UBXN11: variants seen among roughly 807,000 people sequenced by gnomAD.
UBXN11 encodes UBX domain-containing protein 11.
Under a neutral mutation model 62.8 loss-of-function variants are expected in UBXN11, and 47 were observed. That is an observed-to-expected ratio of 0.75 (90% CI 0.59 to 0.95). UBXN11 has a LOEUF of 0.95. UBXN11 is among the 40% of genes least tolerant of loss of function. UBXN11 has a pLI of 0.00. For synonymous variants in UBXN11, 294 were observed against 267.0 expected (o/e 1.10, Z -0.99); for missense variants, 638 against 661.7 (o/e 0.96, Z 0.39).
intron 5 of UBXN11, 78 bp downstream of exon 5, chr1:26,297,873 CACCCACCCTAG>C: frequency 2.8e-6 from 4 of 1,410,496 alleles, no homozygotes; most frequent in Non-Finnish European, 3.9e-6. Context: ...GTTCTAGAAT[CACCCACCCTAG>C]TCCAACTCCT....
chr1:26,285,587 C>T, intron 9 of UBXN11, 46 bp from the exon 10 acceptor site: 1 of 1,496,732 alleles, frequency 6.7e-7, no homozygotes, highest in Non-Finnish European at 9.0e-7. Flanking sequence ...GGCCTTGGGC[C>T]CACCCTGCCC....
rs2073392090 is a variant in UBXN11 at position 26,296,356 on chromosome 1, A to G, written c.432+563T>C. Among the ~76,000 whole-genome samples, 5 of 152,236 alleles carry G rather than the reference A, an allele frequency of 3.3e-5. No individual in the cohort carries two copies. In the South Asian group the frequency reaches 1.0e-3, roughly 31 times the overall value. ...AACTGCTCCCTCCGTCGTGGAGTTC[A>G]GAGTCCCACAAGGGAAGAGAGATGA... On this transcript the variant is annotated intron_variant, in intron 7 of 14. Transcript: ENST00000374222.
At chr1:26,301,047 C>T (rs1463038524) in intron 3 of UBXN11, 23 bp from the exon 4 acceptor site, 1 of 1,614,162 alleles carries the variant, frequency 6.2e-7, no homozygotes. Flanking sequence ...ATGCCTAGGT[C>T]ACCGCTCTGG....
chr1:26,294,470 G>C, intron 7 of UBXN11, 139 bp from the exon 8 acceptor site: 1 of 1,328,246 alleles, frequency 7.5e-7, no homozygotes, highest in Non-Finnish European at 1.0e-6. Flanking sequence ...ATGAGTAGGG[G>C]GATCTTGCCA....
chr1:26,296,980 T>C lies in UBXN11; in HGVS notation c.371A>G (p.Gln124Arg), dbSNP rs750849839. 232 of 1,604,146 alleles carry C rather than the reference T, an allele frequency of 1.4e-4. No individual in the cohort carries two copies. The highest frequency in any genetic ancestry group is 1.9e-4 in the Non-Finnish European group (226 of 1,175,112). The part of the protein sequence containing the change: ...LRPHPAEATL[Q>R]RQEELETMCV... Reference sequence around the variant, plus strand: ...CATCGTCTCCAGTTCCTCCTGCCGCTGCAGGGTTGCCTCGGCTTCAGGGAA... The same window carrying C: ...CATCGTCTCCAGTTCCTCCTGCCGCCGCAGGGTTGCCTCGGCTTCAGGGAA... Residue 124 changes from glutamine to arginine, a missense_variant, in exon 7 of 15, where the codon CAG becomes CGG. Physicochemically the swap from Gln to Arg is conservative, Grantham distance 43 (BLOSUM62 1). Coordinates refer to ENST00000374222, the MANE Select transcript of UBXN11 (RefSeq NM_001389556.1).
chr1:26,284,595 C>T (rs2073082094), intron 10 of UBXN11, 113 bp from the exon 11 acceptor site: 1 of 1,422,314 alleles, frequency 7.0e-7, no homozygotes, highest in Non-Finnish European at 9.2e-7. Context: ...ATGCAACCCC[C>T]ATTTTACATA....
At chr1:26,292,889 T>C (rs777694791) in intron 8 of UBXN11, among the ~76,000 whole-genome samples, 18 of 149,754 alleles carry the variant, frequency 1.2e-4, no homozygotes, top group Admixed American at 1.0e-3. Flanking sequence ...GGCACAAAAA[T>C]GGGAAGTGAT....
intron 14 of UBXN11, 30 bp from the exon 15 acceptor site, chr1:26,282,599 G>C (rs1426879260): frequency 1.2e-6 from 2 of 1,611,944 alleles, no homozygotes; most frequent in Non-Finnish European, 1.7e-6. Flanking sequence ...GATCAGGCTG[G>C]GCAGTGGGAC....
intron 7 of UBXN11, 60 bp from the exon 8 acceptor site, chr1:26,294,391 GC>G: frequency 1.3e-6 from 2 of 1,591,588 alleles, no homozygotes; most frequent in Admixed American, 1.7e-5. Flanking sequence ...CCAGGGAAAG[GC>G]AGTGTCAGCC....
intron 8 of UBXN11, among the ~76,000 whole-genome samples, chr1:26,289,501 GAGC>G (rs1557682339): frequency 6.6e-6 from 1 of 151,918 alleles, no homozygotes; most frequent in East Asian, 2.0e-4. Context: ...TTGAGCTCAG[GAGC>G]ATTGAGCCCT....
intron 6 of UBXN11, among the ~76,000 whole-genome samples, 164 bp downstream of exon 6, chr1:26,297,263 C>T (rs1371694453): frequency 6.6e-6 from 1 of 152,174 alleles, no homozygotes; most frequent in Non-Finnish European, 1.5e-5. Context: ...CCAGCACTGT[C>T]CTGGATATGC....
intron 7 of UBXN11, among the ~76,000 whole-genome samples, chr1:26,296,278 T>C (rs940744960): frequency 6.6e-6 from 1 of 152,128 alleles, no homozygotes; most frequent in African/African-American, 2.4e-5. Context: ...AGGCAGCAAA[T>C]TGCTTAACCA....
chr1:26,315,209 T>C (rs995015503), intron 1 of UBXN11, among the ~76,000 whole-genome samples: 1 of 152,306 alleles, frequency 6.6e-6, no homozygotes, highest in Non-Finnish European at 1.5e-5. Context: ...TTCTGAGGTT[T>C]GCAAGAAAAT....
intron 8 of UBXN11, among the ~76,000 whole-genome samples, chr1:26,291,186 G>A (rs955440229): frequency 6.6e-6 from 1 of 152,204 alleles, no homozygotes; most frequent in Non-Finnish European, 1.5e-5. Context: ...CAGAGGGAGA[G>A]CAGAGCAATC....
chr1:26,313,906 G>A (rs573734360), intron 1 of UBXN11, among the ~76,000 whole-genome samples: 31 of 150,236 alleles, frequency 2.1e-4, no homozygotes, highest in Admixed American at 8.0e-4. Context: ...TCAGCCTCCC[G>A]AGTAGCTGGG....
chr1:26,293,455 T>C (rs999062193), intron 8 of UBXN11, among the ~76,000 whole-genome samples: 19 of 151,476 alleles, frequency 1.3e-4, no homozygotes, highest in Non-Finnish European at 2.2e-4. Context: ...AGGCCAGGCG[T>C]GGTGGCTCAC....
At chr1:26,308,408 A>G (rs961711101), upstream of UBXN11, among the ~76,000 whole-genome samples, 6 of 152,188 alleles carry the variant, frequency 3.9e-5, no homozygotes, top group Non-Finnish European at 5.9e-5. Flanking sequence ...TCAAGAGTCC[A>G]CGCTCTTCCT....
chr1:26,294,043 G>T, intron 8 of UBXN11, 162 bp downstream of exon 8: 1 of 1,103,230 alleles, frequency 9.1e-7, no homozygotes, highest in Non-Finnish European at 1.3e-6. Context: ...TGGAGGCCAA[G>T]GCTGCTCCCA....
At chr1:26,303,630 C>CA (rs5773154) in intron 1 of UBXN11, among the ~76,000 whole-genome samples, 2,793 of 80,038 alleles carry the variant, frequency 0.035, 258 homozygotes, top group African/African-American at 0.11. Flanking sequence ...AACTCCATCT[C>CA]AAAAAAAAAA....
Sources: allele counts gnomAD v4.1 joint callset (sites outside exome capture counted in the v4.1 genomes callset), GRCh38; gene constraint gnomAD v4.1.1; transcripts MANE v1.5; gene names NCBI Gene and HGNC (gene_info 2026-07-23, HGNC 2026-07-21).